KCNG2: variants seen among roughly 807,000 people sequenced by gnomAD.
KCNG2 encodes potassium voltage-gated channel modifier subfamily G member 2.
KCNG2 carries 7 observed loss-of-function variants against 12.3 expected under a neutral mutation model. That is an observed-to-expected ratio of 0.57 (90% CI 0.32 to 1.07). The LOEUF (loss-of-function observed/expected upper bound fraction) is 1.07. Ranked by LOEUF, KCNG2 falls within the 50% of genes least tolerant of loss-of-function variation. The probability of loss-of-function intolerance (pLI) is 0.04; values close to 1 mark genes in which losing one functional copy is unlikely to be tolerated. For synonymous variants in KCNG2, 414 were observed against 351.4 expected, an observed-to-expected ratio of 1.18 and a Z score of -1.99; for missense variants, 703 against 726.0, an observed-to-expected ratio of 0.97 and a Z score of 0.36.
intron 3 of KCNG2, among the ~76,000 whole-genome samples, chr18:79,869,822 C>T (rs969314135): frequency 6.6e-6 from 1 of 152,248 alleles, no homozygotes; most frequent in Non-Finnish European, 1.5e-5. Flanking sequence ...CCCCCAACCT[C>T]GCCATCTTTC....
At chr18:79,850,546 G>C (rs1166318835) in intron 1 of KCNG2, among the ~76,000 whole-genome samples, 1 of 152,100 alleles carries the variant, frequency 6.6e-6, no homozygotes, top group East Asian at 1.9e-4. Context: ...TTCTCATGAC[G>C]TTCTCTTCTC....
In KCNG2 at chr18:79,899,949, C is replaced by A. The variant is rs1272384654; in HGVS notation, c.*133C>A. ...GCCGGCCGCGTCCTCGGCCCTCGTG[C>A]GTGAGCAGCCCCAGAACTTGGCGGG... On this transcript the variant is annotated 3_prime_UTR_variant, in exon 4 of 4. Transcript: ENST00000316249. The A allele has an allele frequency of 1.2e-6, 1 of 820,120 alleles. No homozygotes were observed. 50.8% of individuals were successfully genotyped at this position (820,120 alleles called of 1,614,324 possible). A position where few individuals can be genotyped will look rare whatever the true frequency, so the allele number is the denominator to read the frequency against.
intron 1 of KCNG2, among the ~76,000 whole-genome samples, chr18:79,836,904 T>C (rs2123033148): frequency 6.6e-6 from 1 of 152,308 alleles, no homozygotes; most frequent in Admixed American, 6.5e-5. Flanking sequence ...AATTCAGCCC[T>C]GGCCCCTCCC....
At chr18:79,830,486 A>T (rs1460026987) in intron 1 of KCNG2, among the ~76,000 whole-genome samples, 1 of 152,248 alleles carries the variant, frequency 6.6e-6, no homozygotes, top group Non-Finnish European at 1.5e-5. Context: ...TTTATTCCTC[A>T]GCTTACATAA....
chr18:79,817,426 C>T (rs558673126), intron 1 of KCNG2, among the ~76,000 whole-genome samples: 2 of 152,250 alleles, frequency 1.3e-5, no homozygotes, highest in South Asian at 4.1e-4. Flanking sequence ...TTGTCAGACA[C>T]AGTGTCACAT....
intron 1 of KCNG2, among the ~76,000 whole-genome samples, chr18:79,811,423 T>C (rs1240319168): frequency 6.6e-6 from 1 of 152,218 alleles, no homozygotes; most frequent in African/African-American, 2.4e-5. Flanking sequence ...AACCTATACA[T>C]CTGTGGTCAG....
chr18:79,897,329 C>T (rs1433024198), intron 3 of KCNG2, among the ~76,000 whole-genome samples: 1 of 152,074 alleles, frequency 6.6e-6, no homozygotes, highest in East Asian at 1.9e-4. Flanking sequence ...CTTTTCTCTG[C>T]CAGTTAAAAT....
chr18:79,813,570 G>A (rs1212002331), intron 1 of KCNG2, among the ~76,000 whole-genome samples: 2 of 152,188 alleles, frequency 1.3e-5, no homozygotes, highest in African/African-American at 4.8e-5. Context: ...GGATGGAGAA[G>A]CTTATCCTAA....
At chr18:79,872,578 C>T (rs1979892602) in intron 3 of KCNG2, among the ~76,000 whole-genome samples, 1 of 152,152 alleles carries the variant, frequency 6.6e-6, no homozygotes, top group Non-Finnish European at 1.5e-5. Context: ...GGCACCGCGC[C>T]CGGCCAATTC....
intron 3 of KCNG2, among the ~76,000 whole-genome samples, chr18:79,876,828 C>T (rs1455845564): frequency 6.6e-6 from 1 of 152,242 alleles, no homozygotes; most frequent in Admixed American, 6.5e-5. Context: ...TGGCACAGAA[C>T]ACCATGCTCA....
rs145202739 is a variant in KCNG2, at chr18:79,842,669, A to G, written c.-114-13710A>G. On this transcript the variant is annotated intron_variant, in intron 1 of 3. Coordinates refer to ENST00000316249, the MANE Select transcript of KCNG2 (RefSeq NM_012283.2). ...GAAGTTCAACAACAAAGAGATAGAA[A>G]GCATAAAAAAGACCCAAACAGAAAT... Among the ~76,000 whole-genome samples, 6 of 152,350 alleles carry G rather than the reference A, an allele frequency of 3.9e-5. No homozygotes were observed. In the East Asian group the frequency reaches 1.2e-3, roughly 29 times the overall value.
At chr18:79,885,699 C>T (rs1412961234) in intron 3 of KCNG2, among the ~76,000 whole-genome samples, 2 of 152,222 alleles carry the variant, frequency 1.3e-5, no homozygotes, top group African/African-American at 2.4e-5. Flanking sequence ...AACCCAGTGA[C>T]CTGCCCAGGG....
At chr18:79,852,852 G>A (rs897194358) in intron 1 of KCNG2, among the ~76,000 whole-genome samples, 1 of 152,258 alleles carries the variant, frequency 6.6e-6, no homozygotes, top group Non-Finnish European at 1.5e-5. Context: ...CTCCTGCCCA[G>A]TTCAGGGTTC....
At chr18:79,891,940 A>T (rs1980756512) in intron 3 of KCNG2, among the ~76,000 whole-genome samples, 1 of 151,940 alleles carries the variant, frequency 6.6e-6, no homozygotes, top group South Asian at 2.1e-4. Context: ...TACTTGTTCT[A>T]CCCATTATTG....
intron 1 of KCNG2, among the ~76,000 whole-genome samples, chr18:79,850,995 C>T (rs1978796365): frequency 1.3e-5 from 2 of 152,114 alleles, no homozygotes; most frequent in Admixed American, 1.3e-4. Context: ...CCAATCCAGA[C>T]CCCCAGAGAG....
intron 3 of KCNG2, among the ~76,000 whole-genome samples, chr18:79,874,335 G>A (rs2123096637): frequency 6.6e-6 from 1 of 152,370 alleles, no homozygotes; most frequent in Middle Eastern, 3.4e-3. Flanking sequence ...CAGCAAGAGA[G>A]GTTCTGTGTC....
intron 1 of KCNG2, among the ~76,000 whole-genome samples, chr18:79,841,690 CAGTG>C (rs1978464512): frequency 6.6e-6 from 1 of 152,182 alleles, no homozygotes; most frequent in Admixed American, 6.6e-5. Context: ...AATTAAAAGA[CAGTG>C]AGGAGTGATG....
rs1979357808 is a variant in KCNG2, at chr18:79,864,194, G to A, written c.527G>A (p.Gly176Asp). 3 of 1,531,654 alleles carry A rather than the reference G, an allele frequency of 2.0e-6. No individual in the cohort carries two copies. The highest frequency in any genetic ancestry group is 2.8e-5 in the East Asian group (1 of 35,556). 94.9% of individuals were successfully genotyped at this position (1,531,654 alleles called of 1,614,324 possible). A position where few individuals can be genotyped will look rare whatever the true frequency, so the allele number is the denominator to read the frequency against. ...GACAACCCGCACTCGGGGCTGGCGG[G>A]CAAGCTCTTCGCCTGCGTGTCCGTG... Reference protein sequence around the residue: ...VVDNPHSGLAGKLFACVSVSF... With the variant: ...VVDNPHSGLADKLFACVSVSF... The change falls in exon 3 of 4, where the codon GGC becomes GAC. Residue 176 changes from glycine (G) to aspartate (D), a missense_variant. Physicochemically the swap from Gly to Asp is moderately conservative, Grantham distance 94. Transcript: ENST00000316249.
chr18:79,838,773 C>G (rs998283779), intron 1 of KCNG2, among the ~76,000 whole-genome samples: 4 of 152,142 alleles, frequency 2.6e-5, no homozygotes, highest in Non-Finnish European at 5.9e-5. Context: ...ATATACACAA[C>G]ATATCAAAAT....
Sources: gnomAD v4.1 joint callset for allele counts (sites outside exome capture counted in the v4.1 genomes callset) on GRCh38, gnomAD v4.1.1 for gene constraint, MANE v1.5 for transcripts, NCBI Gene and HGNC (gene_info 2026-07-23, HGNC 2026-07-21) for gene names.